GREB1L: variants seen among roughly 807,000 people sequenced by gnomAD.
The protein encoded by GREB1L is GREB1 like retinoic acid receptor coactivator.
In GREB1L, 17 loss-of-function variants were observed where a neutral mutation model predicts 200.8. The ratio of observed to expected loss-of-function variants is 0.08; its 90% CI spans 0.06 to 0.13. The LOEUF is 0.13. Ranked by LOEUF, GREB1L falls within the 10% of genes least tolerant of loss-of-function variation. GREB1L has a pLI of 1.00. For synonymous variants in GREB1L, 789 were observed against 893.0 expected (o/e 0.88, Z 2.08); for missense variants, 1,657 against 2,367.7 (o/e 0.70, Z 6.23).
At chr18:21,431,361 T>C (rs571547961) in intron 7 of GREB1L, among the ~76,000 whole-genome samples, 34 of 152,342 alleles carry the variant, frequency 2.2e-4, no homozygotes, top group Non-Finnish European at 4.4e-4. Context: ...TACAATTTCC[T>C]TTGTGATGTC....
At chr18:21,315,537 A>G (rs183947956) in intron 1 of GREB1L, among the ~76,000 whole-genome samples, 1 of 152,314 alleles carries the variant, frequency 6.6e-6, no homozygotes, top group Non-Finnish European at 1.5e-5. Context: ...AAAATTTAGG[A>G]ATCATTTAAA....
At chr18:21,340,046 C>T (rs2039244515) in intron 1 of GREB1L, among the ~76,000 whole-genome samples, 1 of 152,196 alleles carries the variant, frequency 6.6e-6, no homozygotes, top group African/African-American at 2.4e-5. Context: ...CCATGCTCCT[C>T]GCCCCCACCC....
At chr18:21,435,306 A>C (rs1371515406) in intron 7 of GREB1L, among the ~76,000 whole-genome samples, 1 of 152,240 alleles carries the variant, frequency 6.6e-6, no homozygotes, top group Non-Finnish European at 1.5e-5. Context: ...TGACATAACA[A>C]TCTGATTCCA....
At chr18:21,477,388 T>G in intron 17 of GREB1L, 32 bp downstream of exon 17, 1 of 1,480,986 alleles carries the variant, frequency 6.8e-7, no homozygotes, top group Non-Finnish European at 9.1e-7. Flanking sequence ...TGATACACTG[T>G]CATGTTCTCA....
At chr18:21,383,764 G>C (rs1418696525) in intron 3 of GREB1L, 89 bp downstream of exon 3, 1 of 1,272,644 alleles carries the variant, frequency 7.9e-7, no homozygotes, top group African/African-American at 1.5e-5. Flanking sequence ...CCAGGCTGGA[G>C]TGCAGTGGCG....
At chr18:21,379,555 T>C (rs985578036) in intron 2 of GREB1L, among the ~76,000 whole-genome samples, 2 of 152,178 alleles carry the variant, frequency 1.3e-5, no homozygotes, top group Non-Finnish European at 2.9e-5. Flanking sequence ...GGAGTGGTAA[T>C]AGATTAAGAG....
At chr18:21,448,078 C>G (rs1050638179) in intron 11 of GREB1L, among the ~76,000 whole-genome samples, 5 of 150,932 alleles carry the variant, frequency 3.3e-5, no homozygotes, top group Non-Finnish European at 7.4e-5. Flanking sequence ...AGGAGAATTG[C>G]TTGAGGCCAG....
chr18:21,309,734 G>A (rs1336653096), intron 1 of GREB1L, among the ~76,000 whole-genome samples: 2 of 151,962 alleles, frequency 1.3e-5, no homozygotes, highest in Non-Finnish European at 2.9e-5. Flanking sequence ...CCCCTTCTCT[G>A]TGGGTGAGCA....
intron 25 of GREB1L, among the ~76,000 whole-genome samples, chr18:21,506,450 T>C (rs887481038): frequency 2.0e-5 from 3 of 152,130 alleles, no homozygotes; most frequent in Non-Finnish European, 2.9e-5. Context: ...TTGGGTTTAT[T>C]TGGATTATGG....
chr18:21,398,061 A>C (rs1199266381), intron 5 of GREB1L, among the ~76,000 whole-genome samples: 1 of 152,170 alleles, frequency 6.6e-6, no homozygotes, highest in African/African-American at 2.4e-5. Flanking sequence ...CTCATAATGC[A>C]TTTTTTGTTC....
In GREB1L at chr18:21,508,175, G is replaced by T. The variant is rs748771910; in HGVS notation, c.4426G>T (p.Val1476Phe). The change falls in exon 26 of 33, where the codon GTT becomes TTT. Residue 1476 changes from valine (V) to phenylalanine (F), a missense_variant. Coordinates refer to ENST00000424526, the MANE Select transcript of GREB1L (RefSeq NM_001142966.3). ...CTCTTCTTCTATGCTGGGAGAAGAG[G>T]TTCAGCTCTATTTCATCATTCCCAA... ...TFSSSMLGEE[V>F]QLYFIIPKSK... 49 of 1,551,358 alleles carry T rather than the reference G, an allele frequency of 3.2e-5. No homozygotes were observed. The South Asian group carries it at 5.6e-4, about 18-fold the overall frequency.
chr18:21,464,840 A>G (rs2035204232), intron 15 of GREB1L, among the ~76,000 whole-genome samples: 1 of 152,216 alleles, frequency 6.6e-6, no homozygotes, highest in East Asian at 1.9e-4. Context: ...ATCTTACAAA[A>G]CAATTAGCTT....
chr18:21,319,848 G>C (rs183384679), intron 1 of GREB1L, among the ~76,000 whole-genome samples: 1 of 152,180 alleles, frequency 6.6e-6, no homozygotes, highest in Non-Finnish European at 1.5e-5. Flanking sequence ...GAGAATAGGT[G>C]TGCAAACTAA....
intron 1 of GREB1L, among the ~76,000 whole-genome samples, chr18:21,321,778 A>G (rs1452714108): frequency 1.3e-5 from 2 of 152,246 alleles, no homozygotes; most frequent in African/African-American, 4.8e-5. Context: ...TTGTGCATTA[A>G]TGGAAAAAGC....
chr18:21,399,358 A>G (rs937025016), intron 5 of GREB1L, among the ~76,000 whole-genome samples: 1 of 152,194 alleles, frequency 6.6e-6, no homozygotes, highest in Non-Finnish European at 1.5e-5. Context: ...TGCTTTGTTC[A>G]GTGCTAAAAA....
intron 1 of GREB1L, among the ~76,000 whole-genome samples, chr18:21,347,761 CCTT>C (rs1253799353): frequency 2.1e-5 from 3 of 139,778 alleles, no homozygotes; most frequent in Non-Finnish European, 4.6e-5. Flanking sequence ...AGCCCCCCGA[CCTT>C]TTTTTTTTTT....
intron 1 of GREB1L, among the ~76,000 whole-genome samples, chr18:21,286,668 T>G (rs1419015533): frequency 6.6e-6 from 1 of 151,942 alleles, no homozygotes; most frequent in Non-Finnish European, 1.5e-5. Context: ...CCATGTGGTA[T>G]TATTATTATT....
chr18:21,347,742 A>T (rs907545002), intron 1 of GREB1L, among the ~76,000 whole-genome samples: 2 of 142,508 alleles, frequency 1.4e-5, no homozygotes, highest in Non-Finnish European at 3.0e-5. Flanking sequence ...GGCGTGAGCC[A>T]CCATGCCCAG....
At chr18:21,272,839 A>G (rs1039443482) in intron 1 of GREB1L, among the ~76,000 whole-genome samples, 1 of 152,258 alleles carries the variant, frequency 6.6e-6, no homozygotes, top group African/African-American at 2.4e-5. Context: ...AGATAAATGC[A>G]TGTATTGACA....
Sources: allele counts gnomAD v4.1 joint callset (sites outside exome capture counted in the v4.1 genomes callset), GRCh38; gene constraint gnomAD v4.1.1; transcripts MANE v1.5; gene names NCBI Gene and HGNC (gene_info 2026-07-23, HGNC 2026-07-21).